Variants in UBASH3B observed in about 807,000 individuals in gnomAD.
UBASH3B encodes ubiquitin associated and SH3 domain containing B.
A neutral mutation model predicts 83.4 loss-of-function variants in UBASH3B; 37 were observed. The observed-to-expected ratio is 0.44, with a 90% CI of 0.34 to 0.58. The LOEUF (loss-of-function observed/expected upper bound fraction) is 0.58. Ranked by LOEUF, UBASH3B falls within the 20% of genes least tolerant of loss-of-function variation. The pLI is 0.01. For missense variants in UBASH3B, 657 were observed against 827.2 expected (o/e 0.79, Z 2.52); for synonymous variants, 304 against 318.3 (o/e 0.96, Z 0.48).
At chr11:122,738,220 G>A (rs558510808) in intron 1 of UBASH3B, among the ~76,000 whole-genome samples, 67 of 152,180 alleles carry the variant, frequency 4.4e-4, no homozygotes, top group Admixed American at 6.5e-4. Flanking sequence ...AAGTTGGAAC[G>A]ATTGCATTGT....
intron 1 of UBASH3B, among the ~76,000 whole-genome samples, chr11:122,669,853 T>C (rs1863569750): frequency 6.6e-6 from 1 of 152,190 alleles, no homozygotes; most frequent in South Asian, 2.1e-4. Flanking sequence ...TAGAAAGTGG[T>C]AGAAACCAGG....
intron 1 of UBASH3B, among the ~76,000 whole-genome samples, chr11:122,723,585 G>A (rs1860679365): frequency 2.0e-5 from 3 of 152,220 alleles, no homozygotes; most frequent in African/African-American, 7.2e-5. Context: ...CCCCAGGCAA[G>A]TGTCTCAAAG....
intron 8 of UBASH3B, 23 bp downstream of exon 8, chr11:122,796,299 C>A: frequency 6.2e-7 from 1 of 1,612,852 alleles, no homozygotes; most frequent in South Asian, 1.1e-5. Context: ...TGGGCCTGCT[C>A]AGCACTGCCA....
intron 1 of UBASH3B, among the ~76,000 whole-genome samples, chr11:122,774,580 C>T (rs1280765545): frequency 2.6e-5 from 4 of 152,162 alleles, no homozygotes; most frequent in African/African-American, 4.8e-5. Flanking sequence ...CTAATTGCTC[C>T]ATAGAAGGGT....
chr11:122,725,328 C>CAA (rs527272428), intron 1 of UBASH3B, among the ~76,000 whole-genome samples: 17,933 of 87,904 alleles, frequency 0.2, 1,718 homozygotes, highest in Middle Eastern at 0.29. Context: ...GCACCATAAA[C>CAA]AAAAAAAAAA....
At chr11:122,809,433 T>C (rs1224732120) in intron 13 of UBASH3B, among the ~76,000 whole-genome samples, 2 of 152,204 alleles carry the variant, frequency 1.3e-5, no homozygotes, top group Non-Finnish European at 2.9e-5. Flanking sequence ...ATTGTAGCCT[T>C]ATGTATTTTG....
chr11:122,780,813 G>A (rs1860839447), intron 4 of UBASH3B, among the ~76,000 whole-genome samples: 1 of 152,178 alleles, frequency 6.6e-6, no homozygotes, highest in Non-Finnish European at 1.5e-5. Flanking sequence ...GGTGCAGGAT[G>A]CACAGTGGAA....
chr11:122,707,784 C>T (rs10750221), intron 1 of UBASH3B, among the ~76,000 whole-genome samples: 111,548 of 150,534 alleles, frequency 0.74, 41,733 homozygotes, highest in East Asian at 0.95. Flanking sequence ...CTGCAACCTC[C>T]GCCTCCTGTG....
chr11:122,693,831 A>G (rs1026714265), intron 1 of UBASH3B, among the ~76,000 whole-genome samples: 2 of 152,216 alleles, frequency 1.3e-5, no homozygotes, highest in Non-Finnish European at 2.9e-5. Flanking sequence ...AGATGGTGCC[A>G]CTGCACTCCA....
intron 11 of UBASH3B, among the ~76,000 whole-genome samples, chr11:122,805,471 G>T (rs1861324353): frequency 6.6e-6 from 1 of 152,200 alleles, no homozygotes; most frequent in South Asian, 2.1e-4. Flanking sequence ...GGCGGAGGTT[G>T]CAGTGAGTCG....
chr11:122,751,045 T>C (rs1861190956), intron 1 of UBASH3B, among the ~76,000 whole-genome samples: 1 of 152,214 alleles, frequency 6.6e-6, no homozygotes, highest in Admixed American at 6.5e-5. Context: ...GATGTGTACC[T>C]GCAGGTAGGC....
chr11:122,691,569 CTCAG>C (rs1863898530), intron 1 of UBASH3B, among the ~76,000 whole-genome samples: 5 of 152,190 alleles, frequency 3.3e-5, no homozygotes, highest in Admixed American at 3.3e-4. Flanking sequence ...CACTTAGCTC[CTCAG>C]TCAATTTAAG....
chr11:122,690,206 A>ATC (rs1863872209), intron 1 of UBASH3B, among the ~76,000 whole-genome samples: 2 of 22,648 alleles, frequency 8.8e-5, no homozygotes, highest in Non-Finnish European at 1.1e-4. Flanking sequence ...ATATATATAT[A>ATC]TATCCAATTA....
At chr11:122,698,483 G>T (rs905343003) in intron 1 of UBASH3B, among the ~76,000 whole-genome samples, 2 of 152,194 alleles carry the variant, frequency 1.3e-5, no homozygotes, top group Non-Finnish European at 1.5e-5. Flanking sequence ...AGAAAATTAG[G>T]ATGGTATAAG....
At position 122,794,852 on chromosome 11, in the gene UBASH3B, G is replaced by T; in HGVS notation, c.1113+18G>T. Reference sequence around the variant, plus strand: ...CCATGCAGGTAAGGCTGATTGCTAGGGTCACACCCCCAACTCTAACCAGGA... The same window carrying T: ...CCATGCAGGTAAGGCTGATTGCTAGTGTCACACCCCCAACTCTAACCAGGA... On this transcript the variant is annotated intron_variant, in intron 7 of 13. Coordinates refer to ENST00000284273, the MANE Select transcript of UBASH3B (RefSeq NM_032873.5). The T allele has an allele frequency of 1.2e-6, 2 of 1,612,624 alleles. No individual in the cohort carries two copies. Among genetic ancestry groups the T allele is most frequent in the Non-Finnish European group, 1.7e-6 (2 of 1,179,798 alleles).
chr11:122,763,367 A>T (rs1289448017), intron 1 of UBASH3B, among the ~76,000 whole-genome samples: 1 of 152,174 alleles, frequency 6.6e-6, no homozygotes, highest in Non-Finnish European at 1.5e-5. Context: ...ACATAAAAAC[A>T]TCGGGAAACC....
intron 1 of UBASH3B, among the ~76,000 whole-genome samples, chr11:122,728,554 A>G (rs1484268344): frequency 6.6e-6 from 1 of 152,214 alleles, no homozygotes; most frequent in African/African-American, 2.4e-5. Flanking sequence ...TCTCCATTGA[A>G]CATCTCCCTA....
At chr11:122,678,873 G>A (rs1863702255) in intron 1 of UBASH3B, among the ~76,000 whole-genome samples, 1 of 152,202 alleles carries the variant, frequency 6.6e-6, no homozygotes, top group African/African-American at 2.4e-5. Flanking sequence ...CTGATTTGCT[G>A]CATAATCCTG....
intron 1 of UBASH3B, among the ~76,000 whole-genome samples, chr11:122,696,365 C>T (rs1488074893): frequency 1.5e-5 from 2 of 133,022 alleles, no homozygotes; most frequent in East Asian, 2.2e-4. Flanking sequence ...GATGAAGACT[C>T]GTTCTGTCAC....
Sources: allele counts gnomAD v4.1 joint callset (sites outside exome capture counted in the v4.1 genomes callset), GRCh38; gene constraint gnomAD v4.1.1; transcripts MANE v1.5; gene names NCBI Gene and HGNC (gene_info 2026-07-23, HGNC 2026-07-21).